NELL1: variants seen among roughly 807,000 people sequenced by gnomAD.
The protein encoded by NELL1 is neural EGFL like 1.
In NELL1, 76 loss-of-function variants were observed where a neutral mutation model predicts 107.4. The observed-to-expected ratio is 0.71, with a 90% CI of 0.59 to 0.86. The LOEUF is 0.86. Ranked by LOEUF, NELL1 falls within the 40% of genes least tolerant of loss-of-function variation. NELL1 has a pLI of 0.00. For missense variants in NELL1, 1,024 were observed against 1,005.5 expected (o/e 1.02, Z -0.25); for synonymous variants, 353 against 341.2 (o/e 1.03, Z -0.38).
intron 14 of NELL1, among the ~76,000 whole-genome samples, chr11:21,364,883 G>C (rs1342989301): frequency 6.6e-6 from 1 of 152,146 alleles, no homozygotes; most frequent in Non-Finnish European, 1.5e-5. Context: ...ATGGCTTACT[G>C]CATTCTTTTT....
chr11:20,977,804 A>G (rs1436730518), intron 12 of NELL1, among the ~76,000 whole-genome samples: 1 of 152,118 alleles, frequency 6.6e-6, no homozygotes, highest in Non-Finnish European at 1.5e-5. Flanking sequence ...GAATAAATAA[A>G]TCCTAGTTGT....
chr11:20,812,690 G>C (rs1857524826), intron 3 of NELL1, among the ~76,000 whole-genome samples: 2 of 152,058 alleles, frequency 1.3e-5, no homozygotes. Flanking sequence ...TTTGGATTAG[G>C]TACTCTTCAA....
rs566767020 is a variant in NELL1, at chr11:20,693,563, A to G, written c.184+15503A>G. Reference sequence around the variant, plus strand: ...CTTATGAAGCTTAGTTTGGCTGGATATGAAATTCTGGGTTGAAAATTCTTT... The same window carrying G: ...CTTATGAAGCTTAGTTTGGCTGGATGTGAAATTCTGGGTTGAAAATTCTTT... On this transcript the variant is annotated intron_variant, in intron 2 of 19. Coordinates refer to ENST00000357134, the MANE Select transcript of NELL1 (RefSeq NM_006157.5). Among the ~76,000 whole-genome samples, 3 of 152,228 alleles carry G rather than the reference A, an allele frequency of 2.0e-5. 1 individual carries two copies. The South Asian group carries it at 6.2e-4, about 32-fold the overall frequency.
intron 15 of NELL1, chr11:21,504,009 T>C (rs1855217463): frequency 6.6e-6 from 1 of 152,226 alleles, no homozygotes; most frequent in South Asian, 2.1e-4. Flanking sequence ...ATTGAGCTGA[T>C]TCTCAACAGA....
chr11:21,157,878 T>G (rs973038694), intron 13 of NELL1, among the ~76,000 whole-genome samples: 1 of 152,226 alleles, frequency 6.6e-6, no homozygotes, highest in African/African-American at 2.4e-5. Flanking sequence ...GTATAATGGT[T>G]AATATTAAGT....
At chr11:21,265,950 C>T (rs905174700) in intron 14 of NELL1, among the ~76,000 whole-genome samples, 63 of 152,120 alleles carry the variant, frequency 4.1e-4, no homozygotes, top group African/African-American at 1.5e-3. Context: ...CTACATAAAT[C>T]CTTCCTTTCA....
chr11:21,233,879 G>A (rs1858129829), intron 14 of NELL1, among the ~76,000 whole-genome samples: 1 of 152,174 alleles, frequency 6.6e-6, no homozygotes, highest in Non-Finnish European at 1.5e-5. Context: ...TTGTCTTAAT[G>A]ACTGATAATA....
rs1372451449 is a variant in NELL1 at position 21,191,043 on chromosome 11, C to A, written c.1427-38289C>A. Among the ~76,000 whole-genome samples, 4 of 151,786 alleles carry A rather than the reference C, an allele frequency of 2.6e-5. No individual in the cohort carries two copies. In the East Asian group the frequency reaches 7.7e-4, roughly 29 times the overall value. ...CTTTGGAATCAGACAAGGCCATGTTCAAGTCTTAGCTGTGCTGCTTTCTAG... is the reference window on the plus strand; with the variant it reads ...CTTTGGAATCAGACAAGGCCATGTTAAAGTCTTAGCTGTGCTGCTTTCTAG... On this transcript the variant is annotated intron_variant, in intron 13 of 19. Coordinates refer to ENST00000357134, the MANE Select transcript of NELL1 (RefSeq NM_006157.5).
intron 2 of NELL1, among the ~76,000 whole-genome samples, chr11:20,709,485 A>G (rs1158630995): frequency 1.3e-5 from 2 of 152,064 alleles, no homozygotes; most frequent in East Asian, 3.9e-4. Flanking sequence ...ATGCCTTCAA[A>G]TTTGTTCTTT....
intron 14 of NELL1, among the ~76,000 whole-genome samples, chr11:21,305,273 G>A (rs1033553988): frequency 3.3e-5 from 5 of 152,032 alleles, no homozygotes; most frequent in East Asian, 3.9e-4. Flanking sequence ...TGAGCTCAGT[G>A]AGAAAAATGT....
intron 5 of NELL1, among the ~76,000 whole-genome samples, chr11:20,906,489 C>T (rs977623470): frequency 2.0e-5 from 3 of 152,072 alleles, no homozygotes; most frequent in African/African-American, 7.2e-5. Context: ...TTTCCTAACT[C>T]ATTCTATGAG....
chr11:20,702,978 G>A (rs571180321), intron 2 of NELL1, among the ~76,000 whole-genome samples: 1 of 152,182 alleles, frequency 6.6e-6, no homozygotes, highest in Admixed American at 6.5e-5. Context: ...CTCTTTTTTT[G>A]TTGTGTCTCT....
intron 14 of NELL1, among the ~76,000 whole-genome samples, chr11:21,353,756 ATTCT>A (rs961462549): frequency 6.6e-5 from 10 of 152,298 alleles, no homozygotes; most frequent in Admixed American, 6.5e-4. Context: ...GCTCTTTTGA[ATTCT>A]TTATTTTCTA....
intron 11 of NELL1, among the ~76,000 whole-genome samples, chr11:20,957,190 G>A (rs971657398): frequency 2.0e-5 from 3 of 152,166 alleles, no homozygotes; most frequent in Admixed American, 1.3e-4. Flanking sequence ...ACCTTAAAGG[G>A]TGAATCCCTC....
At chr11:21,379,883 C>T (rs1851569857) in intron 15 of NELL1, among the ~76,000 whole-genome samples, 1 of 152,060 alleles carries the variant, frequency 6.6e-6, no homozygotes, top group African/African-American at 2.4e-5. Context: ...AGATCCCTAT[C>T]AGCATCCATC....
In NELL1 at chr11:20,707,649, T is replaced by G. The variant is rs184458117; in HGVS notation, c.184+29589T>G. Among the ~76,000 whole-genome samples the G allele has an allele frequency of 6.5e-3, 988 of 152,318 alleles. 9 individuals carry two copies. The highest frequency in any genetic ancestry group is 0.022 in the African/African-American group (910 of 41,574). On this transcript the variant is annotated intron_variant, in intron 2 of 19. Transcript: ENST00000357134. ...CTGGAGGTCCATTCCAGACCCTGTT[T>G]GCCTGGGTTTCACCAGTAGAGGCTG...
chr11:20,976,226 A>G (rs543596561), intron 12 of NELL1, among the ~76,000 whole-genome samples: 6 of 151,550 alleles, frequency 4.0e-5, no homozygotes, highest in African/African-American at 1.5e-4. Context: ...GTGTGTGTAT[A>G]TATATACATG....
intron 15 of NELL1, among the ~76,000 whole-genome samples, chr11:21,483,937 A>G (rs1369907969): frequency 1.4e-5 from 2 of 142,224 alleles, no homozygotes; most frequent in Non-Finnish European, 3.1e-5. Flanking sequence ...TAACCACCCA[A>G]TATTCCAATA....
intron 4 of NELL1, among the ~76,000 whole-genome samples, chr11:20,873,821 C>CGG (rs1467572719): frequency 4.7e-5 from 7 of 148,730 alleles, no homozygotes; most frequent in Non-Finnish European, 1.0e-4. Context: ...GGCAGTCCAT[C>CGG]GGTGCAGTCA....
Sources: allele counts gnomAD v4.1 joint callset (sites outside exome capture counted in the v4.1 genomes callset), GRCh38; gene constraint gnomAD v4.1.1; transcripts MANE v1.5; gene names NCBI Gene and HGNC (gene_info 2026-07-23, HGNC 2026-07-21).